DGKI: variants seen among roughly 807,000 people sequenced by gnomAD.
DGKI encodes diacylglycerol kinase iota, also known as DAG kinase iota.
Under a neutral mutation model 147.5 loss-of-function variants are expected in DGKI, and 55 were observed. The ratio of observed to expected loss-of-function variants is 0.37; its 90% CI spans 0.30 to 0.47. The LOEUF (loss-of-function observed/expected upper bound fraction) is 0.47, where lower values mean the gene tolerates loss of function less well. DGKI is among the 20% of genes least tolerant of loss of function. DGKI has a pLI of 1.00. For synonymous variants in DGKI, 469 were observed against 477.1 expected (o/e 0.98, Z 0.22); for missense variants, 1,007 against 1,323.8 (o/e 0.76, Z 3.71).
intron 1 of DGKI, among the ~76,000 whole-genome samples, chr7:137,793,471 T>C (rs1056816519): frequency 6.6e-6 from 1 of 152,082 alleles, no homozygotes; most frequent in Non-Finnish European, 1.5e-5. Context: ...CGGCTAATTT[T>C]TGTATTTTTA....
chr7:137,593,882 C>T (rs995531691), intron 12 of DGKI, among the ~76,000 whole-genome samples: 1 of 152,114 alleles, frequency 6.6e-6, no homozygotes, highest in Admixed American at 6.6e-5. Flanking sequence ...TATTATAATG[C>T]TACAGCTATA....
intron 30 of DGKI, among the ~76,000 whole-genome samples, chr7:137,400,420 C>G (rs1811708992): frequency 6.6e-6 from 1 of 152,212 alleles, no homozygotes; most frequent in Non-Finnish European, 1.5e-5. Flanking sequence ...ATTCGGTGTT[C>G]TCAGAGCCAT....
intron 20 of DGKI, among the ~76,000 whole-genome samples, chr7:137,552,117 C>A (rs1818065170): frequency 6.6e-6 from 1 of 152,198 alleles, no homozygotes; most frequent in Non-Finnish European, 1.5e-5. Flanking sequence ...TAAATATATT[C>A]TCAAGTGGTC....
At chr7:137,747,991 G>A (rs1466815376) in intron 1 of DGKI, among the ~76,000 whole-genome samples, 1 of 152,184 alleles carries the variant, frequency 6.6e-6, no homozygotes, top group Non-Finnish European at 1.5e-5. Context: ...TATAAAGGTT[G>A]ACACTTGTCC....
chr7:137,675,930 TGCCTTCGCTCCTAATACTCA>T (rs1433984201), intron 3 of DGKI, among the ~76,000 whole-genome samples: 1 of 152,192 alleles, frequency 6.6e-6, no homozygotes, highest in Non-Finnish European at 1.5e-5. Context: ...GACATCTCTC[TGCCTTCGCTCCTAATACTCA>T]GCTGTAGCCC....
chr7:137,431,682 T>C (rs1280773790), intron 28 of DGKI, among the ~76,000 whole-genome samples: 2 of 152,192 alleles, frequency 1.3e-5, no homozygotes, highest in Non-Finnish European at 2.9e-5. Flanking sequence ...TAATTTTTCC[T>C]CCTGTGTTTC....
intron 1 of DGKI, among the ~76,000 whole-genome samples, chr7:137,713,081 G>A (rs73152515): frequency 3.9e-5 from 6 of 152,262 alleles, no homozygotes; most frequent in Admixed American, 3.3e-4. Context: ...TGGGACCATC[G>A]TTCCAGTCTA....
chr7:137,637,866 G>A (rs922744445), intron 6 of DGKI, among the ~76,000 whole-genome samples: 2 of 151,926 alleles, frequency 1.3e-5, no homozygotes, highest in African/African-American at 4.8e-5. Flanking sequence ...TTTAATTAAA[G>A]GAGATTTTTT....
At chr7:137,458,859 T>C (rs896669644) in intron 27 of DGKI, among the ~76,000 whole-genome samples, 21 of 152,128 alleles carry the variant, frequency 1.4e-4, no homozygotes, top group African/African-American at 4.8e-4. Context: ...TCATTTTAAA[T>C]AGAACTTCCT....
intron 28 of DGKI, among the ~76,000 whole-genome samples, chr7:137,414,470 A>C (rs978469501): frequency 6.6e-6 from 1 of 152,166 alleles, no homozygotes; most frequent in African/African-American, 2.4e-5. Context: ...GACTGAAAAG[A>C]AAACAGAAAA....
At chr7:137,478,376 G>A (rs961365904) in intron 23 of DGKI, among the ~76,000 whole-genome samples, 3 of 152,108 alleles carry the variant, frequency 2.0e-5, no homozygotes, top group African/African-American at 7.2e-5. Context: ...TCTTCCGTAC[G>A]CAGGGTACAA....
intron 1 of DGKI, among the ~76,000 whole-genome samples, chr7:137,829,807 A>T (rs1165086052): frequency 6.6e-6 from 1 of 152,276 alleles, no homozygotes; most frequent in Non-Finnish European, 1.5e-5. Flanking sequence ...ACTGAAAGAA[A>T]GTTCGCCAAA....
chr7:137,426,820 T>TA (rs1812829030), intron 28 of DGKI, among the ~76,000 whole-genome samples: 1 of 151,656 alleles, frequency 6.6e-6, no homozygotes, highest in Non-Finnish European at 1.5e-5. Context: ...TACATAATGG[T>TA]AAAGGGATCA....
chr7:137,761,941 C>G (rs1445513034), intron 1 of DGKI, among the ~76,000 whole-genome samples: 1 of 152,176 alleles, frequency 6.6e-6, no homozygotes, highest in African/African-American at 2.4e-5. Context: ...AAACTGGTGC[C>G]GTCAATCACC....
At chr7:137,718,577 T>TGCC (rs1047753860) in intron 1 of DGKI, among the ~76,000 whole-genome samples, 4 of 152,352 alleles carry the variant, frequency 2.6e-5, no homozygotes, top group African/African-American at 9.6e-5. Context: ...TCAGTGGCAC[T>TGCC]GCCTCAAAAG....
intron 6 of DGKI, among the ~76,000 whole-genome samples, chr7:137,636,592 T>C (rs755016428): frequency 6.6e-6 from 1 of 152,130 alleles, no homozygotes. Context: ...GGTCTTCAAA[T>C]GAGTCACCCT....
Position 137,469,568 on chromosome 7 carries a change from G to A in DGKI, c.2425C>T (p.Arg809Trp), listed in dbSNP as rs150062419. Residue 809 changes from arginine to tryptophan, a missense_variant, in exon 24 of 33, where the codon CGG (arginine) becomes TGG (tryptophan). By Grantham distance (101) the Arg-to-Trp change is moderately radical. Transcript: ENST00000614521. Reference protein sequence around the residue: ...RALSAQRLSPRWCFLDATSAD... With the variant: ...RALSAQRLSPWWCFLDATSAD... ...AACTCACCATCTAGGAAGCACCACC[G>A]AGGAGAGAGCCTCTGTGCTGAGAGA... 3.2e-5 allele frequency: 51 copies of A among 1,613,872 alleles called. No homozygotes were observed. The highest frequency in any genetic ancestry group is 2.8e-4 in the African/African-American group (21 of 74,892).
intron 1 of DGKI, among the ~76,000 whole-genome samples, chr7:137,829,452 G>A (rs557654458): frequency 1.3e-5 from 2 of 152,164 alleles, no homozygotes; most frequent in Admixed American, 6.5e-5. Flanking sequence ...TGATAAATTA[G>A]TATCTTGACC....
chr7:137,818,469 C>A (rs1004351453), intron 1 of DGKI, among the ~76,000 whole-genome samples: 2 of 152,114 alleles, frequency 1.3e-5, no homozygotes, highest in African/African-American at 4.8e-5. Context: ...CTATTTTTGC[C>A]CAGGCTGGAG....
Sources: gnomAD v4.1 joint callset for allele counts (sites outside exome capture counted in the v4.1 genomes callset) on GRCh38, gnomAD v4.1.1 for gene constraint, MANE v1.5 for transcripts, NCBI Gene and HGNC (gene_info 2026-07-23, HGNC 2026-07-21) for gene names.